The following IL1RAPL1 variants were observed in gnomAD, a reference collection of about 807,000 sequenced individuals.
IL1RAPL1 encodes interleukin-1 receptor accessory protein-like 1.
In IL1RAPL1, 3 loss-of-function variants were observed where a neutral mutation model predicts 48.4. That is an observed-to-expected ratio of 0.06 (90% CI 0.03 to 0.16). The LOEUF (loss-of-function observed/expected upper bound fraction) is 0.16. Ranked by LOEUF, IL1RAPL1 falls within the 10% of genes least tolerant of loss-of-function variation. The probability of loss-of-function intolerance (pLI) is 1.00; values close to 1 mark genes in which losing one functional copy is unlikely to be tolerated. For synonymous variants in IL1RAPL1, 185 were observed against 187.7 expected (o/e 0.99, Z 0.12); for missense variants, 349 against 530.6 (o/e 0.66, Z 3.36).
chrX:29,651,604 C>T (rs889475710), intron 5 of IL1RAPL1, among the ~76,000 whole-genome samples: 1 of 111,061 alleles, frequency 9.0e-6, no homozygotes, highest in African/African-American at 3.3e-5. Flanking sequence ...GTGATGGATA[C>T]CAGAGGCTGG....
intron 5 of IL1RAPL1, among the ~76,000 whole-genome samples, chrX:29,575,534 G>A (rs981333619): frequency 3.6e-5 from 4 of 111,908 alleles, no homozygotes; most frequent in Non-Finnish European, 7.5e-5. Context: ...TGCCTGCTTT[G>A]TTCTAGCTGC....
At chrX:29,029,941 C>CTT (rs768468902) in intron 2 of IL1RAPL1, among the ~76,000 whole-genome samples, 2 of 88,386 alleles carry the variant, frequency 2.3e-5, no homozygotes, top group African/African-American at 4.1e-5. Flanking sequence ...TATCGAGATT[C>CTT]TTTTTTTTTT....
chrX:29,213,809 C>T (rs1302529783), intron 2 of IL1RAPL1, among the ~76,000 whole-genome samples: 1 of 112,084 alleles, frequency 8.9e-6, no homozygotes, highest in Non-Finnish European at 1.9e-5. Flanking sequence ...CGTAACTTCC[C>T]CCACCTCCAG....
chrX:28,837,682 C>CT (rs58666924), intron 2 of IL1RAPL1, among the ~76,000 whole-genome samples: 1,019 of 37,242 alleles, frequency 0.027, 66 homozygotes, highest in African/African-American at 0.067. Context: ...CATTCCACTT[C>CT]TTTTTTTTTT....
At chrX:29,667,468 C>A (rs906297923) in intron 5 of IL1RAPL1, among the ~76,000 whole-genome samples, 4 of 111,895 alleles carry the variant, frequency 3.6e-5, no homozygotes, top group Admixed American at 9.5e-5. Context: ...AAAGCAAAAA[C>A]ATTTAGTTTA....
chrX:29,779,563 A>G (rs146838806), intron 6 of IL1RAPL1, among the ~76,000 whole-genome samples: 1,132 of 111,160 alleles, frequency 0.01, 11 homozygotes, highest in African/African-American at 0.035. Context: ...ATTTAACCAT[A>G]TAACAAACCT....
chrX:29,293,511 G>A (rs1932402172), intron 3 of IL1RAPL1, among the ~76,000 whole-genome samples: 1 of 111,396 alleles, frequency 9.0e-6, no homozygotes, highest in Admixed American at 9.5e-5. Context: ...TACTGGAAAA[G>A]ATACATTTGT....
Position 28,760,552 on chromosome X carries a change from C to CAGT in IL1RAPL1, c.-24-28766_-24-28764dup, listed in dbSNP as rs777444419. Among the ~76,000 whole-genome samples the CAGT allele has an allele frequency of 8.1e-5, 9 of 111,699 alleles. No individual in the cohort carries two copies. The South Asian group carries it at 3.3e-3, about 42-fold the overall frequency. On this transcript the variant is annotated intron_variant, in intron 1 of 10. Transcript: ENST00000378993. The stretch of plus-strand genomic sequence containing the variant: ...AGCCCATATGGATGGGTCTCAAAAG[C>CAGT]AGTAATATAGAAACTTTGCAGCTTA...
At chrX:29,236,423 C>T (rs1021059637) in intron 2 of IL1RAPL1, among the ~76,000 whole-genome samples, 2 of 110,323 alleles carry the variant, frequency 1.8e-5, no homozygotes, top group African/African-American at 6.6e-5. Flanking sequence ...TTGTGCTAGC[C>T]ATCACTGACT....
At chrX:29,753,637 T>G (rs747046491) in intron 6 of IL1RAPL1, among the ~76,000 whole-genome samples, 89 of 111,506 alleles carry the variant, frequency 8.0e-4, no homozygotes, top group African/African-American at 2.3e-3. Flanking sequence ...ATTAAAAACT[T>G]GTCAAGCTAT....
At chrX:28,601,305 C>A (rs1189253049) in intron 1 of IL1RAPL1, among the ~76,000 whole-genome samples, 1 of 110,719 alleles carries the variant, frequency 9.0e-6, no homozygotes, top group African/African-American at 3.3e-5. Context: ...CCTGTAGTAC[C>A]AGCTACTCTA....
At chrX:28,712,615 C>G (rs1935454142) in intron 1 of IL1RAPL1, among the ~76,000 whole-genome samples, 1 of 111,098 alleles carries the variant, frequency 9.0e-6, no homozygotes, top group East Asian at 2.8e-4. Context: ...ATTTGATTTA[C>G]CCAATAAAAT....
intron 6 of IL1RAPL1, among the ~76,000 whole-genome samples, chrX:29,741,283 G>A (rs749749850): frequency 8.9e-6 from 1 of 111,733 alleles, no homozygotes; most frequent in East Asian, 2.8e-4. Flanking sequence ...AGTTCTATTT[G>A]AGTCAACAAT....
chrX:29,457,582 A>G (rs1569315665), intron 5 of IL1RAPL1, among the ~76,000 whole-genome samples: 1 of 112,196 alleles, frequency 8.9e-6, no homozygotes, highest in Non-Finnish European at 1.9e-5. Context: ...TTGATCCACC[A>G]CTGATGGACA....
intron 2 of IL1RAPL1, among the ~76,000 whole-genome samples, chrX:29,068,821 A>T (rs952671686): frequency 8.9e-6 from 1 of 112,093 alleles, no homozygotes; most frequent in African/African-American, 3.2e-5. Flanking sequence ...GCCAGAAAGG[A>T]TTTTAACCAG....
intron 8 of IL1RAPL1, among the ~76,000 whole-genome samples, chrX:29,937,590 C>G (rs776877535): frequency 8.9e-6 from 1 of 111,938 alleles, no homozygotes; most frequent in Admixed American, 9.5e-5. Context: ...GCTATATAAA[C>G]CAGTGTGACT....
In IL1RAPL1 at chrX:28,794,094, G is replaced by A. The variant is rs192094668; in HGVS notation, c.82+4669G>A. Among the ~76,000 whole-genome samples the A allele has an allele frequency of 2.7e-5, 3 of 111,105 alleles. No homozygotes were observed. The Admixed American group carries it at 2.9e-4, about 11-fold the overall frequency. Reference sequence around the variant, plus strand: ...TTAAATAGAGGCATTTAAGAAAAATGATTTTTTTTTCTTAAAGAGCAATCA... The same window carrying A: ...TTAAATAGAGGCATTTAAGAAAAATAATTTTTTTTTCTTAAAGAGCAATCA... On this transcript the variant is annotated intron_variant, in intron 2 of 10. Transcript: ENST00000378993.
intron 2 of IL1RAPL1, among the ~76,000 whole-genome samples, chrX:29,132,921 A>G (rs1465254784): frequency 9.0e-6 from 1 of 111,481 alleles, no homozygotes; most frequent in African/African-American, 3.3e-5. Flanking sequence ...TTGGATATAT[A>G]GGGTGATAAA....
intron 2 of IL1RAPL1, among the ~76,000 whole-genome samples, chrX:29,173,160 A>AACTT (rs1929941950): frequency 9.0e-6 from 1 of 111,707 alleles, no homozygotes; most frequent in Non-Finnish European, 1.9e-5. Flanking sequence ...AGGTCCAAGG[A>AACTT]ACATACTTAC....
Sources: gnomAD v4.1 joint callset for allele counts (sites outside exome capture counted in the v4.1 genomes callset) on GRCh38, gnomAD v4.1.1 for gene constraint, MANE v1.5 for transcripts, NCBI Gene and HGNC (gene_info 2026-07-23, HGNC 2026-07-21) for gene names.